AFG2A: variants seen among roughly 807,000 people sequenced by gnomAD.
AFG2A encodes the protein AAA ATPase AFG2A.
chr4:123,268,049 T>A, the AFG2A span, among the ~76,000 whole-genome samples: 2 of 152,070 alleles, frequency 1.3e-5, no homozygotes, highest in Non-Finnish European at 1.5e-5. Flanking sequence ...ATATAATTTA[T>A]GTTTATATTA....
the AFG2A span, among the ~76,000 whole-genome samples, chr4:122,943,315 G>T: frequency 1.3e-5 from 2 of 152,152 alleles, no homozygotes. Flanking sequence ...GAATCTGGGT[G>T]CTCCTGTTTT....
chr4:123,116,351 A>C, the AFG2A span, among the ~76,000 whole-genome samples: 3 of 152,262 alleles, frequency 2.0e-5, no homozygotes, highest in Non-Finnish European at 4.4e-5. Flanking sequence ...AATGAGCTAC[A>C]CAGAAAGTTG....
the AFG2A span, among the ~76,000 whole-genome samples, chr4:123,181,848 A>G: frequency 6.6e-6 from 1 of 152,130 alleles, no homozygotes; most frequent in African/African-American, 2.4e-5. Flanking sequence ...TGAAATACCT[A>G]TATATTTGCT....
At chr4:122,939,900 C>A in the AFG2A span, among the ~76,000 whole-genome samples, 69 of 152,124 alleles carry the variant, frequency 4.5e-4, no homozygotes, top group African/African-American at 1.6e-3. Context: ...TTTGTCCTTG[C>A]GATAGTTTGC....
chr4:123,007,598 G>A, the AFG2A span, among the ~76,000 whole-genome samples: 72 of 8,642 alleles, frequency 8.3e-3, 4 homozygotes, highest in East Asian at 0.22. Context: ...GTGTGTGTGT[G>A]TGTGTGTGTG....
chr4:122,924,326 C>T, the AFG2A span, among the ~76,000 whole-genome samples: 2 of 152,332 alleles, frequency 1.3e-5, no homozygotes, highest in East Asian at 3.9e-4. Flanking sequence ...TCTGCCGCCT[C>T]ACCACTTACA....
chr4:123,010,820 AG>A, the AFG2A span, among the ~76,000 whole-genome samples: 50 of 152,332 alleles, frequency 3.3e-4, no homozygotes, highest in Middle Eastern at 3.4e-3. Context: ...TCTCAAGGCA[AG>A]TTCTTCTTCC....
chr4:123,181,544 T>A, the AFG2A span, among the ~76,000 whole-genome samples: 1 of 152,106 alleles, frequency 6.6e-6, no homozygotes, highest in Non-Finnish European at 1.5e-5. Flanking sequence ...GCCCATGGGA[T>A]CAAGGCTGAG....
chr4:123,035,765 A>G, the AFG2A span, among the ~76,000 whole-genome samples: 1 of 152,132 alleles, frequency 6.6e-6, no homozygotes, highest in South Asian at 2.1e-4. Flanking sequence ...CATAAATAAC[A>G]TTTATCTAAA....
At chr4:123,299,524 G>T in the AFG2A span, among the ~76,000 whole-genome samples, 1 of 152,156 alleles carries the variant, frequency 6.6e-6, no homozygotes, top group African/African-American at 2.4e-5. Flanking sequence ...ATTCATAGTA[G>T]AGAGTACATT....
At chr4:123,148,732 A>G in the AFG2A span, among the ~76,000 whole-genome samples, 4 of 151,702 alleles carry the variant, frequency 2.6e-5, no homozygotes, top group Admixed American at 1.3e-4. Flanking sequence ...TTGCAACATG[A>G]TAGAATTGAA....
the AFG2A span, among the ~76,000 whole-genome samples, chr4:123,249,289 G>GC: frequency 6.6e-6 from 1 of 152,198 alleles, no homozygotes; most frequent in African/African-American, 2.4e-5. Context: ...GCAGAAAGCA[G>GC]CGTGGTGAGT....
At chr4:123,255,314 C>G in the AFG2A span, among the ~76,000 whole-genome samples, 1 of 151,638 alleles carries the variant, frequency 6.6e-6, no homozygotes, top group Admixed American at 6.6e-5. Context: ...CGCCTGAGGT[C>G]AGGAGTTCGA....
At chr4:123,318,438 T>C in the AFG2A span, 1 of 152,220 alleles carries the variant, frequency 6.6e-6, no homozygotes, top group Non-Finnish European at 1.5e-5. Context: ...TATCTCCACA[T>C]AGCCCATTAT....
At chr4:122,935,691 G>C in the AFG2A span, 2 of 1,554,468 alleles carry the variant, frequency 1.3e-6, no homozygotes, top group East Asian at 2.3e-5. Context: ...GGTGAATCTA[G>C]TGTTTTCTAC....
At chr4:123,195,453 G>T in the AFG2A span, among the ~76,000 whole-genome samples, 1 of 151,568 alleles carries the variant, frequency 6.6e-6, no homozygotes, top group Non-Finnish European at 1.5e-5. Context: ...GTAAAAGGTA[G>T]TAGATGGGAA....
At chr4:123,084,400 G>T in the AFG2A span, among the ~76,000 whole-genome samples, 1 of 151,496 alleles carries the variant, frequency 6.6e-6, no homozygotes, top group Non-Finnish European at 1.5e-5. Flanking sequence ...ATTGATTTTA[G>T]ATCTTCTCTA....
chr4:123,020,123 G>C, the AFG2A span, among the ~76,000 whole-genome samples: 1 of 151,418 alleles, frequency 6.6e-6, no homozygotes, highest in Non-Finnish European at 1.5e-5. Flanking sequence ...TTTTTTTCTT[G>C]ACCACAGCTT....
At chr4:123,018,196 T>C in the AFG2A span, among the ~76,000 whole-genome samples, 1 of 152,204 alleles carries the variant, frequency 6.6e-6, no homozygotes, top group East Asian at 1.9e-4. Context: ...ATCTCACTGC[T>C]CTGTGCTTGT....
Sources: allele counts gnomAD v4.1 joint callset (sites outside exome capture counted in the v4.1 genomes callset), GRCh38; gene constraint gnomAD v4.1.1; transcripts MANE v1.5; gene names NCBI Gene and HGNC (gene_info 2026-07-23, HGNC 2026-07-21).